COL17A1: variants seen among roughly 807,000 people sequenced by gnomAD.
COL17A1 encodes collagen alpha-1(XVII) chain.
A neutral mutation model predicts 218.4 loss-of-function variants in COL17A1; 181 were observed. The observed-to-expected ratio is 0.83, with a 90% CI of 0.73 to 0.94. The LOEUF (loss-of-function observed/expected upper bound fraction) is 0.94. Ranked by LOEUF, COL17A1 falls within the 40% of genes least tolerant of loss-of-function variation. The probability of loss-of-function intolerance (pLI) is 0.00; values close to 1 mark genes in which losing one functional copy is unlikely to be tolerated. For synonymous variants in COL17A1, 721 were observed against 731.0 expected (o/e 0.99, Z 0.22); for missense variants, 1,924 against 1,945.9 (o/e 0.99, Z 0.21).
Position 104,080,695 on chromosome 10 carries a change from A to C in COL17A1, c.-11-11T>G, listed in dbSNP as rs761995398. 6.2e-6 allele frequency: 10 copies of C among 1,613,032 alleles called. No homozygotes were observed. The highest frequency in any genetic ancestry group is 7.6e-6 in the Non-Finnish European group (9 of 1,179,924). The stretch of plus-strand genomic sequence containing the variant: ...CCATACCATAGCCACCTGCAGGAAA[A>C]ATCAGAAACCATGATAGTCATACTT... On this transcript the variant is annotated splice_polypyrimidine_tract_variant and intron_variant, in intron 1 of 55. Transcript: ENST00000648076.
At chr10:104,083,839 G>A (rs2086785218) in intron 1 of COL17A1, among the ~76,000 whole-genome samples, 1 of 152,090 alleles carries the variant, frequency 6.6e-6, no homozygotes, top group African/African-American at 2.4e-5. Flanking sequence ...TTTTGTTTTA[G>A]GAACAAATGT....
chr10:104,080,814 TA>T, intron 1 of COL17A1, 130 bp from the exon 2 acceptor site: 2 of 943,132 alleles, frequency 2.1e-6, no homozygotes, highest in Non-Finnish European at 3.3e-6. Flanking sequence ...TTCACGTGAA[TA>T]TTTTTTATGA....
intron 53 of COL17A1, 49 bp downstream of exon 53, chr10:104,033,189 G>A (rs1310550625): frequency 1.9e-6 from 3 of 1,564,146 alleles, no homozygotes; most frequent in Non-Finnish European, 2.6e-6. Context: ...AGACCCGTGG[G>A]AACCTATGCA....
At chr10:104,040,144 A>G in intron 40 of COL17A1, 145 bp from the exon 41 acceptor site, 1 of 1,031,676 alleles carries the variant, frequency 9.7e-7, no homozygotes, top group East Asian at 2.4e-5. Context: ...TCACTAGGCC[A>G]ATGTTGGGTG....
intron 10 of COL17A1, among the ~76,000 whole-genome samples, chr10:104,064,031 C>G (rs1417301081): frequency 6.6e-6 from 1 of 152,242 alleles, no homozygotes; most frequent in Non-Finnish European, 1.5e-5. Context: ...CAGGTGATCT[C>G]AGGTCTGTCA....
chr10:104,054,836 G>C, intron 20 of COL17A1, 145 bp downstream of exon 20: 1 of 1,333,742 alleles, frequency 7.5e-7, no homozygotes, highest in South Asian at 1.3e-5. Flanking sequence ...CCCTGGGATT[G>C]GAAACCTCTC....
intron 4 of COL17A1, 140 bp downstream of exon 4, chr10:104,077,282 T>A: frequency 1.4e-6 from 1 of 734,236 alleles, no homozygotes; most frequent in South Asian, 1.5e-5. Context: ...GGATTTGGAA[T>A]GGATGACAGG....
intron 9 of COL17A1, among the ~76,000 whole-genome samples, chr10:104,069,216 C>T (rs1450040589): frequency 1.3e-5 from 2 of 152,194 alleles, no homozygotes; most frequent in Non-Finnish European, 2.9e-5. Flanking sequence ...AAAGTATCTA[C>T]TGGTAATGGT....
At chr10:104,074,065 C>G in intron 6 of COL17A1, 119 bp downstream of exon 6, 1 of 1,528,268 alleles carries the variant, frequency 6.5e-7, no homozygotes, top group Non-Finnish European at 9.0e-7. Context: ...AGGGGTCAAA[C>G]TCTTTTAGAA....
At position 104,050,665 on chromosome 10, in the gene COL17A1, G is replaced by C; in HGVS notation, c.2093-9C>G. ...CATTGGTCCTTTGTCACCTAAAAAG[G>C]AAATGGACACCTTGGTGTAAAATGC... On this transcript the variant is annotated splice_polypyrimidine_tract_variant and intron_variant, in intron 26 of 55. Coordinates refer to ENST00000648076, the MANE Select transcript of COL17A1 (RefSeq NM_000494.4). 6.2e-7 allele frequency: 1 copy of C among 1,614,000 alleles called. No homozygotes were observed.
intron 15 of COL17A1, chr10:104,059,412 G>A: frequency 1.7e-6 from 1 of 590,320 alleles, no homozygotes; most frequent in Non-Finnish European, 3.0e-6. Flanking sequence ...GCAGGCTTTT[G>A]CTTCAGTAAT....
intron 50 of COL17A1, 106 bp downstream of exon 50, chr10:104,035,157 T>C (rs899989438): frequency 9.3e-6 from 9 of 972,366 alleles, no homozygotes; most frequent in African/African-American, 8.1e-5. Flanking sequence ...CACCCAGCAC[T>C]GTACAGGCTC....
chr10:104,065,194 T>C (rs1388885251), intron 9 of COL17A1, among the ~76,000 whole-genome samples: 1 of 152,208 alleles, frequency 6.6e-6, no homozygotes, highest in Non-Finnish European at 1.5e-5. Flanking sequence ...TTGGGGCCAG[T>C]TCTGCATATT....
intron 20 of COL17A1, 92 bp from the exon 21 acceptor site, chr10:104,054,210 C>G (rs2086497495): frequency 2.3e-6 from 3 of 1,328,100 alleles, no homozygotes; most frequent in Non-Finnish European, 3.2e-6. Flanking sequence ...GTAGGGTTGC[C>G]AAACTTAGGA....
At chr10:104,043,691 G>A in intron 34 of COL17A1, 110 bp from the exon 35 acceptor site, 3 of 1,504,194 alleles carry the variant, frequency 2.0e-6, no homozygotes, top group Non-Finnish European at 2.8e-6. Flanking sequence ...TCTCATCGCT[G>A]CTAAATTTCC....
chr10:104,082,751 A>G (rs566882468), intron 1 of COL17A1, among the ~76,000 whole-genome samples: 1 of 152,314 alleles, frequency 6.6e-6, no homozygotes, highest in South Asian at 2.1e-4. Context: ...CAAACCTGGA[A>G]AGTTTTGCTT....
intron 52 of COL17A1, 62 bp downstream of exon 52, chr10:104,033,883 C>T (rs2086241764): frequency 1.9e-6 from 3 of 1,609,864 alleles, no homozygotes; most frequent in South Asian, 2.2e-5. Flanking sequence ...ACAAGAAAGC[C>T]AGTCTGGAGA....
In COL17A1 at chr10:104,032,834, A is replaced by G. The variant is rs1221214044; in HGVS notation, c.4357+72T>C. The G allele has an allele frequency of 2.5e-6, 4 of 1,610,300 alleles. No individual in the cohort carries two copies. In the East Asian group the frequency reaches 6.7e-5, roughly 27 times the overall value. On this transcript the variant is annotated intron_variant, in intron 54 of 55. Coordinates refer to ENST00000648076, the MANE Select transcript of COL17A1 (RefSeq NM_000494.4). ...CACAGGTAGCCGGTGTGGCACCAGC[A>G]CAGGAGCTGCTTTTCAGTACGAGGT... is the stretch of plus-strand genomic sequence containing the variant.
chr10:104,064,611 A>C lies in COL17A1; in HGVS notation c.608-15T>G, dbSNP rs754599145. On this transcript the variant is annotated splice_polypyrimidine_tract_variant and intron_variant, in intron 9 of 55. Coordinates refer to ENST00000648076, the MANE Select transcript of COL17A1 (RefSeq NM_000494.4). Reference sequence around the variant, plus strand: ...GGTGCCTGACACTGGAAACAGACACATGCACACACCCCAGTGAGAGACAAA... The same window carrying C: ...GGTGCCTGACACTGGAAACAGACACCTGCACACACCCCAGTGAGAGACAAA... 6.2e-7 allele frequency: 1 copy of C among 1,608,118 alleles called. No individual in the cohort carries two copies. Among genetic ancestry groups the C allele is most frequent in the Non-Finnish European group, 8.5e-7 (1 of 1,176,228 alleles).
Sources: allele counts gnomAD v4.1 joint callset (sites outside exome capture counted in the v4.1 genomes callset), GRCh38; gene constraint gnomAD v4.1.1; transcripts MANE v1.5; gene names NCBI Gene and HGNC (gene_info 2026-07-23, HGNC 2026-07-21).